MLXIPL: variants seen among roughly 807,000 people sequenced by gnomAD.
MLXIPL encodes the protein carbohydrate-responsive element-binding protein.
A neutral mutation model predicts 81.5 loss-of-function variants in MLXIPL; 49 were observed. The ratio of observed to expected loss-of-function variants is 0.60; its 90% CI spans 0.48 to 0.76. The LOEUF is 0.76. Among genes scored for constraint, MLXIPL ranks in the 30% least tolerant of loss-of-function variants. MLXIPL has a pLI of 0.00. For missense variants in MLXIPL, 1,053 were observed against 1,167.0 expected (o/e 0.90, Z 1.42); for synonymous variants, 466 against 485.5 (o/e 0.96, Z 0.53).
chr7:73,643,289 C>A, the MLXIPL span, among the ~76,000 whole-genome samples: 3 of 152,014 alleles, frequency 2.0e-5, no homozygotes, highest in African/African-American at 4.8e-5. Context: ...CCGAGGCGGG[C>A]GGATCACGAG....
At chr7:73,640,719 G>C in the MLXIPL span, among the ~76,000 whole-genome samples, 1 of 149,160 alleles carries the variant, frequency 6.7e-6, no homozygotes, top group East Asian at 2.0e-4. Context: ...GGAGGTTGCA[G>C]TGAGCCAAGA....
intron 15 of MLXIPL, 119 bp from the exon 16 acceptor site, chr7:73,594,522 C>A: frequency 7.8e-7 from 1 of 1,278,108 alleles, no homozygotes; most frequent in Non-Finnish European, 1.1e-6. Context: ...ACGTTGAACC[C>A]CAATGACTCA....
intron 1 of MLXIPL, among the ~76,000 whole-genome samples, chr7:73,616,933 C>T (rs1554600893): frequency 6.6e-6 from 1 of 151,892 alleles, no homozygotes; most frequent in Non-Finnish European, 1.5e-5. Context: ...TCCTTAGGCC[C>T]AGGAGAGGCA....
chr7:73,603,705 C>T (rs1021687952), intron 7 of MLXIPL, among the ~76,000 whole-genome samples: 1 of 152,236 alleles, frequency 6.6e-6, no homozygotes, highest in African/African-American at 2.4e-5. Context: ...CTGGCCCGCA[C>T]ATAGCTCCGG....
the MLXIPL span, among the ~76,000 whole-genome samples, chr7:73,632,523 A>T: frequency 6.6e-6 from 1 of 152,034 alleles, no homozygotes; most frequent in African/African-American, 2.4e-5. Context: ...TCCATGGGTT[A>T]TTTCCCTCGG....
At position 73,596,881 on chromosome 7, in the gene MLXIPL, C is replaced by T. The variant is rs369473784; in HGVS notation, c.1655G>A (p.Arg552Gln). The part of the protein sequence containing the change: ...EPPLVSSTLL[R>Q]SPGSPQETVP... ...AGATCTTACCGGGGACCCTGGGGAC[C>T]GGAGGAGGGTGCTGGATACAAGTGG... is the stretch of plus-strand genomic sequence containing the variant. The change falls in exon 10 of 17, where the codon CGG (arginine) becomes CAG (glutamine). Residue 552 changes from arginine to glutamine, a missense_variant. Physicochemically the swap from Arg to Gln is conservative, Grantham distance 43. Around this residue, in one of 3 missense-constraint regions of MLXIPL, gnomAD observed 823 missense variants for 933.0 expected, o/e 0.88. Transcript: ENST00000313375. This position sits in a 1 kb window ranked among gnomAD's most constrained non-coding sequence, Gnocchi z 4.7. The T allele has an allele frequency of 4.9e-5, 79 of 1,611,306 alleles. No individual in the cohort carries two copies. Among genetic ancestry groups the T allele is most frequent in the Non-Finnish European group, 6.4e-5 (75 of 1,179,652 alleles).
the MLXIPL span, among the ~76,000 whole-genome samples, chr7:73,637,903 C>T: frequency 6.6e-6 from 1 of 152,182 alleles, no homozygotes. Context: ...TCCCAAATGG[C>T]CCTAGAAGGA....
chr7:73,645,913 A>G, the MLXIPL span, among the ~76,000 whole-genome samples: 1 of 152,178 alleles, frequency 6.6e-6, no homozygotes, highest in Non-Finnish European at 1.5e-5. Flanking sequence ...GGTTATCAGG[A>G]AGAAGGAAAC....
intron 7 of MLXIPL, among the ~76,000 whole-genome samples, chr7:73,600,653 G>T (rs1794733645): frequency 8.5e-6 from 1 of 116,968 alleles, no homozygotes; most frequent in African/African-American, 3.2e-5. Flanking sequence ...TGGGGTGGGG[G>T]CGAGAGGGGC....
In MLXIPL at chr7:73,624,147, C is replaced by A. The variant is rs1017263288; in HGVS notation, c.293+53G>T. 26 of 1,457,338 alleles carry A rather than the reference C, an allele frequency of 1.8e-5. No homozygotes were observed. The Admixed American group carries it at 2.7e-4, about 15-fold the overall frequency. The allele number at this position is 1,457,338 out of a possible 1,614,324, so 90.3% of individuals were successfully genotyped here. On this transcript the variant is annotated intron_variant, in intron 1 of 16. Transcript: ENST00000313375. ...AGCGCGCAGTCCTGCCCCGGACCCC[C>A]CCCCCATCCCCACCTGGAAGCCAAG... is the stretch of plus-strand genomic sequence containing the variant.
chr7:73,605,859 G>A, intron 6 of MLXIPL, 51 bp downstream of exon 6: 2 of 1,568,200 alleles, frequency 1.3e-6, no homozygotes, highest in Non-Finnish European at 1.7e-6. Flanking sequence ...TTGGCCTCCT[G>A]GAATCTCACA....
chr7:73,625,762 A>G (rs1796707904), upstream of MLXIPL, among the ~76,000 whole-genome samples: 1 of 152,138 alleles, frequency 6.6e-6, no homozygotes, highest in Non-Finnish European at 1.5e-5. Flanking sequence ...TCCTGTTTCA[A>G]AAACAAAATA....
chr7:73,598,390 T>A (rs1244774670), intron 8 of MLXIPL, among the ~76,000 whole-genome samples: 3 of 152,040 alleles, frequency 2.0e-5, no homozygotes, highest in Non-Finnish European at 4.4e-5. Context: ...CCATCCACCA[T>A]CTATACATTT....
chr7:73,611,774 C>G (rs1248985267), intron 2 of MLXIPL, among the ~76,000 whole-genome samples: 1 of 151,662 alleles, frequency 6.6e-6, no homozygotes, highest in African/African-American at 2.4e-5. Context: ...TGAGATTACA[C>G]CACTGCACCC....
intron 7 of MLXIPL, among the ~76,000 whole-genome samples, chr7:73,604,337 T>G (rs908219558): frequency 6.7e-6 from 1 of 149,384 alleles, no homozygotes. Flanking sequence ...TTTGGGAGGC[T>G]GAGGTGGGAG....
In MLXIPL at chr7:73,594,287, G is replaced by C; in HGVS notation, c.2427C>G (p.Pro809=). The C allele has an allele frequency of 6.2e-7, 1 of 1,612,162 alleles. No homozygotes were observed. Among genetic ancestry groups the C allele is most frequent in the Non-Finnish European group, 8.5e-7 (1 of 1,180,008 alleles). The change falls in exon 16 of 17, where the codon CCC becomes CCG. Residue 809 remains proline, a synonymous_variant. Transcript: ENST00000313375. ...LAWLDQYCSL[P]ALRPTVLNSL... ...TGGCTCACGTACTTGGCCGGAGAGC[G>C]GGCAGAGAGCAGTACTGGTCCAGCC...
chr7:73,627,351 C>T (rs1184186988), upstream of MLXIPL, among the ~76,000 whole-genome samples: 5 of 151,430 alleles, frequency 3.3e-5, no homozygotes, highest in Non-Finnish European at 5.9e-5. Flanking sequence ...CGGGCTCAAG[C>T]GATTCTCCTG....
chr7:73,613,524 G>A (rs1795825906), intron 2 of MLXIPL, among the ~76,000 whole-genome samples: 1 of 152,106 alleles, frequency 6.6e-6, no homozygotes, highest in African/African-American at 2.4e-5. Flanking sequence ...GCTTGAACTG[G>A]GAGGTGAAGG....
chr7:73,618,600 A>T (rs1161777496), intron 1 of MLXIPL, among the ~76,000 whole-genome samples: 6 of 151,652 alleles, frequency 4.0e-5, no homozygotes, highest in African/African-American at 1.5e-4. Context: ...CCCCCTCCCC[A>T]CCAGGGACAA....
Sources: gnomAD v4.1 joint callset for allele counts (sites outside exome capture counted in the v4.1 genomes callset) on GRCh38, gnomAD v4.1.1 for gene constraint, gnomAD v4.1.1 regional missense constraint, Gnocchi (gnomAD v3.1) non-coding constraint, MANE v1.5 for transcripts, NCBI Gene and HGNC (gene_info 2026-07-23, HGNC 2026-07-21) for gene names.